The following KYNU variants were observed in gnomAD, a reference collection of about 807,000 sequenced individuals.
KYNU encodes the protein kynureninase, also known as L-kynurenine hydrolase.
KYNU carries 54 observed loss-of-function variants against 59.2 expected under a neutral mutation model. The observed-to-expected ratio is 0.91, with a 90% CI of 0.73 to 1.14. The LOEUF (loss-of-function observed/expected upper bound fraction) is 1.14, where lower values mean the gene tolerates loss of function less well. KYNU is among the 50% of genes most tolerant of loss of function. KYNU has a pLI of 0.00. For synonymous variants in KYNU, 177 were observed against 192.0 expected, an observed-to-expected ratio of 0.92 and a Z score of 0.65; for missense variants, 567 against 554.4, an observed-to-expected ratio of 1.02 and a Z score of -0.23.
At chr2:142,976,595 T>C (rs904787026) in intron 8 of KYNU, among the ~76,000 whole-genome samples, 1 of 152,196 alleles carries the variant, frequency 6.6e-6, no homozygotes, top group East Asian at 1.9e-4. Flanking sequence ...AAAAGATATA[T>C]TTGAAATCTA....
intron 4 of KYNU, among the ~76,000 whole-genome samples, chr2:142,948,267 C>T (rs1683866085): frequency 6.6e-6 from 1 of 152,194 alleles, no homozygotes; most frequent in Non-Finnish European, 1.5e-5. Context: ...ACATCTTCCT[C>T]ACCTCTGTCA....
At chr2:143,011,076 C>A (rs1020815761) in intron 10 of KYNU, among the ~76,000 whole-genome samples, 3 of 146,034 alleles carry the variant, frequency 2.1e-5, no homozygotes, top group African/African-American at 7.7e-5. Context: ...TCTAATTAAA[C>A]TAAAGAGCTT....
chr2:142,934,604 G>A (rs1357464854), intron 4 of KYNU, among the ~76,000 whole-genome samples: 1 of 152,114 alleles, frequency 6.6e-6, no homozygotes, highest in Non-Finnish European at 1.5e-5. Flanking sequence ...AACTCAGTGG[G>A]TCCTGAAAAA....
At chr2:143,023,724 A>G (rs905517256) in intron 10 of KYNU, among the ~76,000 whole-genome samples, 1 of 151,942 alleles carries the variant, frequency 6.6e-6, no homozygotes, top group Admixed American at 6.6e-5. Context: ...TGTTCAAGGA[A>G]GAGAACTAAT....
chr2:142,973,373 C>A (rs1684790233), intron 8 of KYNU, among the ~76,000 whole-genome samples: 1 of 152,100 alleles, frequency 6.6e-6, no homozygotes. Flanking sequence ...CAGCATTCAT[C>A]ACTGTTCCTT....
chr2:142,916,530 AG>A (rs1682673660), intron 2 of KYNU, among the ~76,000 whole-genome samples: 1 of 152,206 alleles, frequency 6.6e-6, no homozygotes, highest in Admixed American at 6.5e-5. Flanking sequence ...TACTGGTTAC[AG>A]ATCCTGCCTG....
chr2:142,903,315 C>G (rs1682173203), intron 2 of KYNU, among the ~76,000 whole-genome samples: 2 of 152,074 alleles, frequency 1.3e-5, no homozygotes, highest in Non-Finnish European at 2.9e-5. Flanking sequence ...GTTGCCCAGA[C>G]TTTAGGATTA....
chr2:142,942,069 C>A, intron 4 of KYNU, among the ~76,000 whole-genome samples: 1 of 148,058 alleles, frequency 6.8e-6, no homozygotes, highest in African/African-American at 2.5e-5. Context: ...CCCAGCTATT[C>A]GAAAGGCTGA....
intron 4 of KYNU, among the ~76,000 whole-genome samples, chr2:142,946,206 C>T (rs1429370012): frequency 2.0e-5 from 3 of 151,960 alleles, no homozygotes; most frequent in Non-Finnish European, 4.4e-5. Context: ...CTCAGCTTCC[C>T]CCGAGTACCT....
At chr2:143,040,883 T>C (rs938883930) in intron 13 of KYNU, among the ~76,000 whole-genome samples, 3 of 152,096 alleles carry the variant, frequency 2.0e-5, no homozygotes, top group Non-Finnish European at 4.4e-5. Context: ...CTTATAGGAA[T>C]AGTTTTTTGT....
intron 10 of KYNU, among the ~76,000 whole-genome samples, chr2:142,998,241 T>C (rs1685601547): frequency 1.3e-5 from 2 of 152,214 alleles, no homozygotes; most frequent in South Asian, 4.1e-4. Flanking sequence ...TGTTGACATT[T>C]AGTTTTTAGG....
At chr2:142,965,805 G>A (rs79195680) in intron 8 of KYNU, among the ~76,000 whole-genome samples, 3,317 of 152,150 alleles carry the variant, frequency 0.022, 122 homozygotes, top group African/African-American at 0.076. Flanking sequence ...AATGGGCTTC[G>A]GGTTGGCTAA....
intron 8 of KYNU, among the ~76,000 whole-genome samples, chr2:142,972,807 TATATATAGAGAG>T (rs1416984137): frequency 2.2e-5 from 3 of 138,284 alleles, no homozygotes; most frequent in African/African-American, 8.2e-5. Flanking sequence ...TATATATATA[TATATATAGAGAG>T]AGAGAGAGAG....
chr2:142,985,236 G>T, intron 9 of KYNU, 54 bp downstream of exon 9: 1 of 1,131,130 alleles, frequency 8.8e-7, no homozygotes, highest in Non-Finnish European at 1.4e-6. Flanking sequence ...ACTTTAATCT[G>T]AAGGAGAAAC....
chr2:142,948,711 T>G (rs942713460), intron 4 of KYNU, among the ~76,000 whole-genome samples: 16 of 152,262 alleles, frequency 1.1e-4, no homozygotes, highest in African/African-American at 3.6e-4. Context: ...CCACAACATG[T>G]GGGAATTCAA....
chr2:142,889,315 G>A (rs1054201047), intron 2 of KYNU, among the ~76,000 whole-genome samples: 3 of 152,106 alleles, frequency 2.0e-5, no homozygotes, highest in Non-Finnish European at 4.4e-5. Flanking sequence ...GTGGCGGGGG[G>A]ACTCAGCAAG....
At chr2:142,941,175 T>C (rs948030537) in intron 4 of KYNU, among the ~76,000 whole-genome samples, 3 of 152,192 alleles carry the variant, frequency 2.0e-5, no homozygotes, top group African/African-American at 7.2e-5. Context: ...CAGCCCCCCA[T>C]AGTGAGATGT....
At chr2:142,884,688 C>CTTTTTTTTTTTTTTTTTTTTTTTT (rs70997529) in intron 1 of KYNU, among the ~76,000 whole-genome samples, 3 of 77,022 alleles carry the variant, frequency 3.9e-5, no homozygotes, top group Non-Finnish European at 7.3e-5. Flanking sequence ...TTCTCTTTTC[C>CTTTTTTTTTTTTTTTTTTTTTTTT]TTTTTTTTTT....
chr2:142,913,762 T>G (rs1399286385), intron 2 of KYNU, among the ~76,000 whole-genome samples: 1 of 152,244 alleles, frequency 6.6e-6, no homozygotes, highest in Non-Finnish European at 1.5e-5. Context: ...GTTTTCTGAC[T>G]TGATGATCTG....
Sources: allele counts gnomAD v4.1 joint callset (sites outside exome capture counted in the v4.1 genomes callset), GRCh38; gene constraint gnomAD v4.1.1; transcripts MANE v1.5; gene names NCBI Gene and HGNC (gene_info 2026-07-23, HGNC 2026-07-21).